The following PTPRD variants were observed in gnomAD, a reference collection of about 807,000 sequenced individuals.
PTPRD encodes receptor-type tyrosine-protein phosphatase delta.
A neutral mutation model predicts 214.5 loss-of-function variants in PTPRD; 34 were observed. The ratio of observed to expected loss-of-function variants is 0.16; its 90% CI spans 0.12 to 0.21. PTPRD has a LOEUF of 0.21. Ranked by LOEUF, PTPRD falls within the 10% of genes least tolerant of loss-of-function variation. The pLI is 1.00. For synonymous variants in PTPRD, 1,128 were observed against 845.7 expected, an observed-to-expected ratio of 1.33 and a Z score of -5.79; for missense variants, 2,545 against 2,398.7, an observed-to-expected ratio of 1.06 and a Z score of -1.27.
intron 2 of PTPRD, among the ~76,000 whole-genome samples, chr9:10,515,743 A>C (rs1035266480): frequency 3.3e-5 from 5 of 151,682 alleles, no homozygotes; most frequent in African/African-American, 1.2e-4. Context: ...GTAACTCCCT[A>C]TTTCTCTTTC....
intron 14 of PTPRD, among the ~76,000 whole-genome samples, chr9:8,617,142 G>C (rs2095639576): frequency 6.6e-6 from 1 of 152,016 alleles, no homozygotes; most frequent in Non-Finnish European, 1.5e-5. Context: ...AAAATACACT[G>C]AGAGTTCATG....
At chr9:9,805,803 C>G (rs895586286) in intron 5 of PTPRD, among the ~76,000 whole-genome samples, 2 of 152,034 alleles carry the variant, frequency 1.3e-5, no homozygotes, top group African/African-American at 2.4e-5. Flanking sequence ...ATTAATGTTC[C>G]TCTTGAACTC....
In PTPRD at chr9:8,395,367, A is replaced by G. The variant is rs7851088; in HGVS notation, c.4211-5960T>C. ...TGTTTACTTTGCAGTCTCCAGAAAA[A>G]CTAGAAAACAGGAAATAGGAAAGCA... On this transcript the variant is annotated intron_variant, in intron 36 of 45. Transcript: ENST00000381196. Among the ~76,000 whole-genome samples, 148 of 152,048 alleles carry G rather than the reference A, an allele frequency of 9.7e-4. 1 individual carries two copies. The highest frequency in any genetic ancestry group is 3.4e-3 in the African/African-American group (143 of 41,462).
At chr9:10,211,401 G>C (rs551447135) in intron 3 of PTPRD, among the ~76,000 whole-genome samples, 1 of 152,274 alleles carries the variant, frequency 6.6e-6, no homozygotes, top group East Asian at 1.9e-4. Context: ...TCTAAATTCT[G>C]AATATTTAGA....
rs369751830 is a variant in PTPRD, at chr9:9,683,078, T to G, written c.-287+51455A>C. On this transcript the variant is annotated intron_variant, in intron 7 of 45. Coordinates refer to ENST00000381196, the MANE Select transcript of PTPRD (RefSeq NM_002839.4). ...AGATAGGGGACTTAAATATAATGCT[T>G]ATGGCAAGGTCATTAGGCTAAGGTT... Among the ~76,000 whole-genome samples the G allele has an allele frequency of 1.3e-4, 19 of 151,978 alleles. No individual in the cohort carries two copies. In the South Asian group the frequency reaches 3.9e-3, roughly 31 times the overall value.
At chr9:9,187,007 A>T (rs1368646156) in intron 9 of PTPRD, among the ~76,000 whole-genome samples, 1 of 151,404 alleles carries the variant, frequency 6.6e-6, no homozygotes, top group African/African-American at 2.4e-5. Flanking sequence ...AAATATAATA[A>T]TTAAAACATT....
intron 5 of PTPRD, among the ~76,000 whole-genome samples, chr9:9,788,685 G>A (rs1036791564): frequency 4.6e-5 from 7 of 152,070 alleles, no homozygotes; most frequent in Non-Finnish European, 4.4e-5. Flanking sequence ...TGTTTAAAGG[G>A]GGAGAAGTAA....
At chr9:8,672,288 G>C (rs1231240987) in intron 12 of PTPRD, among the ~76,000 whole-genome samples, 1 of 152,126 alleles carries the variant, frequency 6.6e-6, no homozygotes, top group Non-Finnish European at 1.5e-5. Flanking sequence ...GATTCAAGTA[G>C]TTTATGCAAA....
At chr9:10,317,114 T>C (rs182207392) in intron 3 of PTPRD, among the ~76,000 whole-genome samples, 11 of 151,946 alleles carry the variant, frequency 7.2e-5, no homozygotes, top group Non-Finnish European at 8.8e-5. Flanking sequence ...CACTGGCTAT[T>C]GAGCCTAACA....
Position 8,627,825 on chromosome 9 carries a change from G to C in PTPRD, c.352+5492C>G, listed in dbSNP as rs369550371. Among the ~76,000 whole-genome samples, 38 of 151,922 alleles carry C rather than the reference G, an allele frequency of 2.5e-4. 2 individuals carry two copies. Among genetic ancestry groups the C allele is most frequent in the African/African-American group, 9.2e-4 (38 of 41,480 alleles). On this transcript the variant is annotated intron_variant, in intron 14 of 45. Transcript: ENST00000381196. ...GTCTTTGTGACCACTGATACCCAAA[G>C]AATCACTGTTTTTAAATTCTAAAGA...
intron 7 of PTPRD, among the ~76,000 whole-genome samples, chr9:9,618,432 C>T (rs908940563): frequency 5.9e-5 from 9 of 151,920 alleles, no homozygotes; most frequent in Admixed American, 1.3e-4. Context: ...GCTACATCAG[C>T]AATTGGCTTT....
intron 11 of PTPRD, among the ~76,000 whole-genome samples, chr9:8,850,914 A>T (rs1043877924): frequency 2.0e-5 from 3 of 152,186 alleles, no homozygotes; most frequent in Non-Finnish European, 4.4e-5. Context: ...GAAAATTTTT[A>T]TTTTAAACAT....
At chr9:9,170,980 G>A (rs1162971869) in intron 10 of PTPRD, among the ~76,000 whole-genome samples, 1 of 152,164 alleles carries the variant, frequency 6.6e-6, no homozygotes, top group Non-Finnish European at 1.5e-5. Flanking sequence ...GTGGGTTACA[G>A]GCTCCTCTAC....
In PTPRD at chr9:8,934,466, TATATATATATAA is replaced by T. The variant is rs1567099377; in HGVS notation, c.-104+84219_-104+84230del. ...ATATATAAATTTATATATATATAAA[TATATATATATAA>T]ATATATATATATATAAATATATATA... On this transcript the variant is annotated intron_variant, in intron 11 of 45. Transcript: ENST00000381196. 3.2e-3 allele frequency among the ~76,000 whole-genome samples: 83 copies of T among 26,120 alleles called. 7 individuals are homozygous for T. The East Asian group carries it at 0.051, about 16-fold the overall frequency. The allele number at this position is 26,120 out of a possible 152,430, so 17.1% of individuals were successfully genotyped here.
At chr9:8,338,637 A>C (rs1038073299) in intron 43 of PTPRD, among the ~76,000 whole-genome samples, 1 of 152,154 alleles carries the variant, frequency 6.6e-6, no homozygotes, top group Admixed American at 6.6e-5. Context: ...CCAACCAATC[A>C]GTAAACACTT....
chr9:9,587,659 T>C (rs1004860468), intron 7 of PTPRD, among the ~76,000 whole-genome samples: 3 of 151,928 alleles, frequency 2.0e-5, no homozygotes, highest in African/African-American at 7.2e-5. Context: ...GATCCAAAAT[T>C]AGCATTTCTA....
chr9:10,252,064 T>C (rs10958977), intron 3 of PTPRD, among the ~76,000 whole-genome samples: 86,904 of 152,038 alleles, frequency 0.57, 26,930 homozygotes, highest in East Asian at 0.7. Context: ...TACCAATGTA[T>C]ACATGTATTC....
chr9:9,461,350 T>C (rs2093639110), intron 8 of PTPRD, among the ~76,000 whole-genome samples: 1 of 152,114 alleles, frequency 6.6e-6, no homozygotes, highest in Non-Finnish European at 1.5e-5. Context: ...TATCATTGTC[T>C]AATTTTACAT....
At chr9:8,763,117 G>C (rs1170013409) in intron 11 of PTPRD, among the ~76,000 whole-genome samples, 4 of 152,080 alleles carry the variant, frequency 2.6e-5, no homozygotes, top group South Asian at 2.1e-4. Context: ...CTCTGCCAAA[G>C]ATGGTTTCAA....
Sources: gnomAD v4.1 joint callset for allele counts (sites outside exome capture counted in the v4.1 genomes callset) on GRCh38, gnomAD v4.1.1 for gene constraint, MANE v1.5 for transcripts, NCBI Gene and HGNC (gene_info 2026-07-23, HGNC 2026-07-21) for gene names.